Variants in FAM76A observed in about 807,000 individuals in gnomAD.
FAM76A encodes protein FAM76A.
Under a neutral mutation model 46.2 loss-of-function variants are expected in FAM76A, and 32 were observed. The observed-to-expected ratio is 0.69, with a 90% confidence interval of 0.52 to 0.93. The LOEUF is 0.93. Ranked by LOEUF, FAM76A falls within the 40% of genes least tolerant of loss-of-function variation. The pLI is 0.00. For missense variants in FAM76A, 274 were observed against 361.5 expected, an observed-to-expected ratio of 0.76 and a Z score of 1.96; for synonymous variants, 137 against 127.0, an observed-to-expected ratio of 1.08 and a Z score of -0.53.
At chr1:27,732,451 G>T (rs1458778409) in intron 2 of FAM76A, 152 bp from the exon 3 acceptor site, 22 of 513,450 alleles carry the variant, frequency 4.3e-5, no homozygotes. Context: ...AAAAATAAAA[G>T]AGTTATTAGA....
chr1:27,744,842 A>G, intron 5 of FAM76A, 31 bp downstream of exon 5: 1 of 1,600,610 alleles, frequency 6.2e-7, no homozygotes, highest in Non-Finnish European at 8.5e-7. Flanking sequence ...ATGGGACTAG[A>G]AGTGCTGGTA....
rs933006430 is a variant in FAM76A at position 27,727,463 on chromosome 1, T to G, written c.82-9T>G. 1.9e-6 allele frequency: 3 copies of G among 1,612,956 alleles called. No individual in the cohort carries two copies. The highest frequency in any genetic ancestry group is 1.7e-5 in the Admixed American group (1 of 59,996). ...TGCCTTTTAAAATTATATCCTCATT[T>G]CATTTCAGGAATGTCGGATTGCACA... On this transcript the variant is annotated splice_polypyrimidine_tract_variant and intron_variant, in intron 1 of 8. Transcript: ENST00000373954.
chr1:27,759,945 A>T (rs1352093793), intron 8 of FAM76A: 1 of 468,480 alleles, frequency 2.1e-6, no homozygotes, highest in South Asian at 1.5e-5. Flanking sequence ...TTTATTTTTT[A>T]ATTTTTTTGT....
intron 8 of FAM76A, chr1:27,759,920 A>G (rs2088478044): frequency 2.0e-6 from 1 of 500,554 alleles, no homozygotes; most frequent in Non-Finnish European, 3.9e-6. Flanking sequence ...GCCATATACC[A>G]CCATACCCCA....
At chr1:27,759,426 C>A (rs1401706656) in intron 7 of FAM76A, 100 bp from the exon 8 acceptor site, 2 of 696,130 alleles carry the variant, frequency 2.9e-6, no homozygotes, top group African/African-American at 3.6e-5. Flanking sequence ...GCAGGAGAGC[C>A]CTGGATTTCA....
chr1:27,757,758 C>T (rs554106462), intron 7 of FAM76A, among the ~76,000 whole-genome samples: 14 of 152,194 alleles, frequency 9.2e-5, no homozygotes, highest in African/African-American at 3.1e-4. Flanking sequence ...GGGTGGATCA[C>T]GAGGGCAGGA....
intron 7 of FAM76A, among the ~76,000 whole-genome samples, chr1:27,758,370 T>G (rs910303243): frequency 2.6e-5 from 4 of 152,184 alleles, no homozygotes; most frequent in African/African-American, 9.6e-5. Context: ...ACTACATGAC[T>G]GTCAAGTGAA....
At chr1:27,744,581 T>C in intron 4 of FAM76A, 73 bp from the exon 5 acceptor site, 1 of 1,531,792 alleles carries the variant, frequency 6.5e-7, no homozygotes, top group Non-Finnish European at 8.9e-7. Flanking sequence ...CCAAAGATTC[T>C]AGCTCCCAAT....
intron 6 of FAM76A, among the ~76,000 whole-genome samples, chr1:27,754,475 A>G (rs2088379722): frequency 6.6e-6 from 1 of 152,196 alleles, no homozygotes; most frequent in Non-Finnish European, 1.5e-5. Flanking sequence ...GACAAAATAG[A>G]GTGCTCTAAT....
chr1:27,747,063 A>G (rs1355989643), intron 5 of FAM76A, among the ~76,000 whole-genome samples: 2 of 152,124 alleles, frequency 1.3e-5, no homozygotes, highest in East Asian at 1.9e-4. Context: ...GCAACAGAGC[A>G]AGGCACTCTC....
chr1:27,733,484 G>A (rs949098281), intron 3 of FAM76A, among the ~76,000 whole-genome samples: 5 of 152,168 alleles, frequency 3.3e-5, no homozygotes, highest in African/African-American at 1.2e-4. Flanking sequence ...ATGGGTTTTT[G>A]TTATTTGTTT....
chr1:27,747,376 G>C (rs538876560), intron 5 of FAM76A, among the ~76,000 whole-genome samples: 3 of 152,160 alleles, frequency 2.0e-5, no homozygotes, highest in African/African-American at 4.8e-5. Context: ...CAAACGAGGA[G>C]AACATTTGAA....
intron 4 of FAM76A, among the ~76,000 whole-genome samples, chr1:27,741,913 A>T (rs2088162348): frequency 6.6e-6 from 1 of 151,444 alleles, no homozygotes; most frequent in Admixed American, 6.6e-5. Context: ...GGATGTAATC[A>T]TTTACATTTA....
At chr1:27,754,608 A>C (rs2088381115) in intron 6 of FAM76A, among the ~76,000 whole-genome samples, 1 of 152,206 alleles carries the variant, frequency 6.6e-6, no homozygotes, top group Non-Finnish European at 1.5e-5. Flanking sequence ...GACAATCTGC[A>C]GGCCATTTGT....
intron 1 of FAM76A, among the ~76,000 whole-genome samples, chr1:27,727,084 A>G (rs2087873869): frequency 6.6e-6 from 1 of 152,164 alleles, no homozygotes; most frequent in Non-Finnish European, 1.5e-5. Flanking sequence ...ATATGTATAT[A>G]TGATTTTAAG....
At chr1:27,728,632 C>T (rs1354679517) in intron 2 of FAM76A, among the ~76,000 whole-genome samples, 2 of 151,978 alleles carry the variant, frequency 1.3e-5, no homozygotes, top group African/African-American at 4.8e-5. Context: ...GAATTACAGG[C>T]GTGAGCCACC....
rs181937727 is a variant in FAM76A at position 27,756,593 on chromosome 1, A to T, written c.735+1263A>T. ...GGTGTGAGCCACTGTGCCCGGCCTC[A>T]GTGTTAATATTTTATTTTCACATCA... On this transcript the variant is annotated intron_variant, in intron 7 of 8. Coordinates refer to ENST00000373954, the MANE Select transcript of FAM76A (RefSeq NM_152660.3). Among the ~76,000 whole-genome samples, 556 of 150,950 alleles carry T rather than the reference A, an allele frequency of 3.7e-3. 17 individuals carry two copies. Among genetic ancestry groups the T allele is most frequent in the Non-Finnish European group, 1.1e-3 (75 of 67,752 alleles).
At chr1:27,757,773 A>G (rs374701483) in intron 7 of FAM76A, among the ~76,000 whole-genome samples, 264 of 152,228 alleles carry the variant, frequency 1.7e-3, no homozygotes, top group East Asian at 3.7e-3. Flanking sequence ...GCAGGAGATC[A>G]AGACCATCCT....
chr1:27,759,779 GT>G (rs542481822), intron 8 of FAM76A, 152 bp downstream of exon 8: 789 of 361,368 alleles, frequency 2.2e-3, no homozygotes, highest in Middle Eastern at 4.5e-3. Context: ...TTTTTTTTTT[GT>G]TTTTTTTTTG....
Sources: gnomAD v4.1 joint callset for allele counts (sites outside exome capture counted in the v4.1 genomes callset) on GRCh38, gnomAD v4.1.1 for gene constraint, MANE v1.5 for transcripts, NCBI Gene and HGNC (gene_info 2026-07-23, HGNC 2026-07-21) for gene names.